Variants in PTK7 observed in about 807,000 individuals in gnomAD.
The protein encoded by PTK7 is protein tyrosine kinase 7 (inactive), also known as inactive tyrosine-protein kinase 7.
PTK7 carries 39 observed loss-of-function variants against 116.6 expected under a neutral mutation model. The observed-to-expected ratio is 0.33, with a 90% CI of 0.26 to 0.44. The LOEUF (loss-of-function observed/expected upper bound fraction) is 0.44, where lower values mean the gene tolerates loss of function less well. PTK7 is among the 20% of genes least tolerant of loss of function. PTK7 has a pLI of 1.00. For synonymous variants in PTK7, 546 were observed against 563.6 expected, an observed-to-expected ratio of 0.97 and a Z score of 0.44; for missense variants, 1,169 against 1,425.6, an observed-to-expected ratio of 0.82 and a Z score of 2.90.
At chr6:43,146,495 A>T in intron 16 of PTK7, 123 bp from the exon 17 acceptor site, 1 of 803,604 alleles carries the variant, frequency 1.2e-6, no homozygotes, top group Non-Finnish European at 2.0e-6. Flanking sequence ...AAAGGGGCCC[A>T]GGCTAGCTTA....
At chr6:43,077,055 C>T in intron 1 of PTK7, 1 of 1,303,436 alleles carries the variant, frequency 7.7e-7, no homozygotes, top group Non-Finnish European at 9.8e-7. Context: ...AGCTTTGTTA[C>T]CTACGCCGAC....
intron 1 of PTK7, among the ~76,000 whole-genome samples, chr6:43,094,604 A>G (rs1011751911): frequency 3.3e-5 from 5 of 151,604 alleles, no homozygotes; most frequent in Non-Finnish European, 7.4e-5. Context: ...AGCTGGGACT[A>G]TAGACGCCTG....
chr6:43,133,111 A>G (rs1365047001), intron 7 of PTK7: 3 of 365,706 alleles, frequency 8.2e-6, no homozygotes. Context: ...GTAGATGAAA[A>G]TGATTTTTCT....
chr6:43,088,455 G>A (rs1304495949), intron 1 of PTK7, among the ~76,000 whole-genome samples: 1 of 152,136 alleles, frequency 6.6e-6, no homozygotes, highest in Non-Finnish European at 1.5e-5. Flanking sequence ...AGCACTTTGG[G>A]AGGCCGAGGC....
chr6:43,115,530 C>T lies in PTK7; in HGVS notation c.80-13447C>T, dbSNP rs566574986. Among the ~76,000 whole-genome samples, 11 of 152,182 alleles carry T rather than the reference C, an allele frequency of 7.2e-5. No individual in the cohort carries two copies. The South Asian group carries it at 2.3e-3, about 32-fold the overall frequency. ...ACAACCATGGCTGCAGTTGATGGCT[C>T]CTGCAAGATCTGTTCCCCTTGTCTC... On this transcript the variant is annotated intron_variant, in intron 1 of 19. Transcript: ENST00000230419.
chr6:43,118,657 C>CTA (rs1374096197), intron 1 of PTK7, among the ~76,000 whole-genome samples: 55 of 61,050 alleles, frequency 9.0e-4, no homozygotes, highest in East Asian at 2.0e-3. Context: ...CTCTCTCTCT[C>CTA]TCTATATATA....
At chr6:43,159,109 T>C in intron 18 of PTK7, 141 bp downstream of exon 18, 1 of 1,106,234 alleles carries the variant, frequency 9.0e-7, no homozygotes, top group Admixed American at 2.6e-5. Context: ...GGGAAGAGCT[T>C]TCTCATCCTT....
chr6:43,111,702 A>T (rs2150403224), intron 1 of PTK7, among the ~76,000 whole-genome samples: 1 of 152,268 alleles, frequency 6.6e-6, no homozygotes. Flanking sequence ...TCACTCTGTC[A>T]CACAGGCTGG....
intron 1 of PTK7, among the ~76,000 whole-genome samples, chr6:43,100,243 C>T (rs990373255): frequency 1.1e-4 from 17 of 151,826 alleles, no homozygotes; most frequent in Middle Eastern, 3.2e-3. Flanking sequence ...ATTAGCTGGG[C>T]GTGGTGGCGG....
At chr6:43,081,487 C>G (rs549019724) in intron 1 of PTK7, among the ~76,000 whole-genome samples, 156 of 152,296 alleles carry the variant, frequency 1.0e-3, no homozygotes, top group African/African-American at 3.6e-3. Context: ...TCACTGCAAC[C>G]TCTACCTCCC....
At chr6:43,105,656 T>G (rs931209727) in intron 1 of PTK7, among the ~76,000 whole-genome samples, 5 of 152,166 alleles carry the variant, frequency 3.3e-5, no homozygotes, top group African/African-American at 1.2e-4. Context: ...GCGCCCCATG[T>G]GAAGAGAAAA....
Position 43,129,636 on chromosome 6 carries a change from GTTCC to G in PTK7, c.368-90_368-87del, listed in dbSNP as rs1769531176. ...GTGTCTGTTGGCACAGAGCCTCGAGGTTCCACGGCTTCCTGCTTGTCCTCCTTGC... is the reference window on the plus strand; with the variant it reads ...GTGTCTGTTGGCACAGAGCCTCGAGGACGGCTTCCTGCTTGTCCTCCTTGC... On this transcript the variant is annotated intron_variant, in intron 2 of 19. Coordinates refer to ENST00000230419, the MANE Select transcript of PTK7 (RefSeq NM_002821.5). The surrounding 1 kb of genome is among the most constrained non-coding windows in gnomAD (Gnocchi z 4.5). 1 of 1,155,578 alleles carries G rather than the reference GTTCC, an allele frequency of 8.7e-7. No individual in the cohort carries two copies. Among genetic ancestry groups the G allele is most frequent in the Non-Finnish European group, 1.3e-6 (1 of 772,794 alleles). The allele number at this position is 1,155,578 out of a possible 1,614,324, so 71.6% of individuals were successfully genotyped here.
intron 1 of PTK7, among the ~76,000 whole-genome samples, chr6:43,102,681 T>G (rs1301741092): frequency 6.6e-6 from 1 of 151,830 alleles, no homozygotes; most frequent in African/African-American, 2.4e-5. Context: ...ACACTAGATA[T>G]AAATTAACAT....
At chr6:43,152,412 CCTG>C (rs1329861096) in intron 17 of PTK7, among the ~76,000 whole-genome samples, 17 of 152,186 alleles carry the variant, frequency 1.1e-4, no homozygotes, top group Admixed American at 2.0e-4. Context: ...TGCCTGTAGT[CCTG>C]CTACTTGGGA....
At chr6:43,144,829 T>G in intron 15 of PTK7, 1 of 448,802 alleles carries the variant, frequency 2.2e-6, no homozygotes. Flanking sequence ...ATTATTTACT[T>G]GATGTTTTAT....
chr6:43,159,355 C>T (rs1325830831), intron 18 of PTK7, among the ~76,000 whole-genome samples: 1 of 152,192 alleles, frequency 6.6e-6, no homozygotes, highest in Non-Finnish European at 1.5e-5. Flanking sequence ...AGACAGCCTA[C>T]GAGGGCTCTG....
At chr6:43,097,602 A>G (rs1320488159) in intron 1 of PTK7, among the ~76,000 whole-genome samples, 1 of 152,200 alleles carries the variant, frequency 6.6e-6, no homozygotes, top group Non-Finnish European at 1.5e-5. Context: ...GCACAGGATA[A>G]TCTATAAATA....
chr6:43,132,298 G>A (rs1014228346), intron 6 of PTK7, 123 bp from the exon 7 acceptor site: 1 of 1,495,394 alleles, frequency 6.7e-7, no homozygotes, highest in Non-Finnish European at 9.0e-7. Flanking sequence ...GTAGGAAGAG[G>A]ATATGCAGAG....
At chr6:43,112,737 A>G (rs1768262998) in intron 1 of PTK7, among the ~76,000 whole-genome samples, 1 of 152,024 alleles carries the variant, frequency 6.6e-6, no homozygotes, top group African/African-American at 2.4e-5. Flanking sequence ...GGGAAAACCA[A>G]GGCCTAGACA....
Sources: gnomAD v4.1 joint callset for allele counts (sites outside exome capture counted in the v4.1 genomes callset) on GRCh38, gnomAD v4.1.1 for gene constraint, Gnocchi (gnomAD v3.1) non-coding constraint, MANE v1.5 for transcripts, NCBI Gene and HGNC (gene_info 2026-07-23, HGNC 2026-07-21) for gene names.